MYO3B: variants seen among roughly 807,000 people sequenced by gnomAD.
The protein encoded by MYO3B is myosin IIIB.
In MYO3B, 156 loss-of-function variants were observed where a neutral mutation model predicts 174.6. The ratio of observed to expected loss-of-function variants is 0.89; its 90% CI spans 0.78 to 1.02. MYO3B has a LOEUF of 1.02. Ranked by LOEUF, MYO3B falls within the 50% of genes least tolerant of loss-of-function variation. The probability of loss-of-function intolerance (pLI) is 0.00; values close to 1 mark genes in which losing one functional copy is unlikely to be tolerated. For synonymous variants in MYO3B, 563 were observed against 569.1 expected (o/e 0.99, Z 0.15); for missense variants, 1,632 against 1,639.4 (o/e 1.00, Z 0.08).
At chr2:170,416,878 T>G in intron 22 of MYO3B, among the ~76,000 whole-genome samples, 1 of 143,810 alleles carries the variant, frequency 7.0e-6, no homozygotes, top group East Asian at 2.1e-4. Context: ...GGCTGGAGAG[T>G]GCAGTGCCGC....
At chr2:170,579,543 A>T (rs1204776836) in intron 32 of MYO3B, among the ~76,000 whole-genome samples, 1 of 152,170 alleles carries the variant, frequency 6.6e-6, no homozygotes, top group East Asian at 1.9e-4. Context: ...CCATATTTTT[A>T]TATTTTTACT....
chr2:170,540,519 G>A (rs1210774974), intron 30 of MYO3B, among the ~76,000 whole-genome samples: 1 of 152,002 alleles, frequency 6.6e-6, no homozygotes, highest in African/African-American at 2.4e-5. Flanking sequence ...GGCTCAAGCA[G>A]TTCTCCCACC....
At chr2:170,619,734 A>ATACTTTT (rs1553539463) in intron 32 of MYO3B, among the ~76,000 whole-genome samples, 2 of 33,518 alleles carry the variant, frequency 6.0e-5, no homozygotes, top group African/African-American at 8.3e-5. Context: ...CTGCTGCCAT[A>ATACTTTT]TTCTTTTTTT....
chr2:170,497,341 G>A (rs577348561), intron 25 of MYO3B, among the ~76,000 whole-genome samples: 2 of 152,314 alleles, frequency 1.3e-5, no homozygotes, highest in South Asian at 2.1e-4. Context: ...TCTAGGCCAG[G>A]GGCGGTGGCT....
At chr2:170,487,306 A>C (rs985907384) in intron 25 of MYO3B, among the ~76,000 whole-genome samples, 1 of 152,132 alleles carries the variant, frequency 6.6e-6, no homozygotes, top group Non-Finnish European at 1.5e-5. Flanking sequence ...TTTTATTCTT[A>C]TCCTTATCCA....
At chr2:170,407,662 C>A in intron 21 of MYO3B, 53 bp from the exon 22 acceptor site, 1 of 1,606,978 alleles carries the variant, frequency 6.2e-7, no homozygotes, top group Non-Finnish European at 8.5e-7. Context: ...GCCAGTGTCA[C>A]CAATGACGGA....
chr2:170,342,099 C>A (rs2093980418), intron 8 of MYO3B: 2 of 152,166 alleles, frequency 1.3e-5, no homozygotes, highest in South Asian at 2.1e-4. Flanking sequence ...CGTGGGTAAT[C>A]TAGACTGTTG....
intron 32 of MYO3B, chr2:170,602,168 G>T: frequency 8.0e-7 from 1 of 1,249,392 alleles, no homozygotes; most frequent in Non-Finnish European, 1.2e-6. Context: ...CGACAAGTTT[G>T]CACAAAAAAT....
intron 32 of MYO3B, among the ~76,000 whole-genome samples, chr2:170,623,071 C>A (rs1025922750): frequency 2.0e-5 from 3 of 152,114 alleles, no homozygotes; most frequent in Admixed American, 6.5e-5. Flanking sequence ...GATTTATATT[C>A]CTTTGGGTAT....
chr2:170,366,581 C>T (rs2094200243), intron 8 of MYO3B, among the ~76,000 whole-genome samples: 1 of 152,164 alleles, frequency 6.6e-6, no homozygotes, highest in Non-Finnish European at 1.5e-5. Context: ...GCATGAGCCA[C>T]CACGCCTGGC....
In MYO3B at chr2:170,543,996, G is replaced by T. The variant is rs751031068; in HGVS notation, c.3733+8G>T. On this transcript the variant is annotated splice_region_variant and intron_variant, in intron 32 of 34. Coordinates refer to ENST00000408978, the MANE Select transcript of MYO3B (RefSeq NM_138995.5). ...GAGCCCCTCAAAAGCCTGGTAAGAA[G>T]AACGTTTTGAATTGCATGCGGCTTC... 6.2e-7 allele frequency: 1 copy of T among 1,600,294 alleles called. No homozygotes were observed. The highest frequency in any genetic ancestry group is 8.6e-7 in the Non-Finnish European group (1 of 1,168,272).
intron 7 of MYO3B, among the ~76,000 whole-genome samples, chr2:170,259,151 T>G (rs781211816): frequency 2.6e-5 from 4 of 152,152 alleles, no homozygotes; most frequent in Non-Finnish European, 5.9e-5. Context: ...TAGCAATCTA[T>G]AGATTCAACA....
chr2:170,316,065 A>G (rs1175422503), intron 7 of MYO3B, among the ~76,000 whole-genome samples: 1 of 152,184 alleles, frequency 6.6e-6, no homozygotes, highest in East Asian at 1.9e-4. Flanking sequence ...CATGATTACT[A>G]TTGATTGTTA....
chr2:170,472,649 G>A (rs764737134), intron 25 of MYO3B, among the ~76,000 whole-genome samples: 5 of 151,346 alleles, frequency 3.3e-5, no homozygotes, highest in African/African-American at 9.7e-5. Context: ...GGAAGGCAGG[G>A]ATATTTTTCA....
intron 7 of MYO3B, among the ~76,000 whole-genome samples, chr2:170,328,227 C>T (rs13025708): frequency 0.5 from 75,974 of 151,898 alleles, 20,978 homozygotes; most frequent in East Asian, 0.66. Context: ...AATATATCTT[C>T]GTCTGTGTCA....
intron 1 of MYO3B, among the ~76,000 whole-genome samples, chr2:170,181,939 G>C (rs1463290470): frequency 6.6e-6 from 1 of 151,776 alleles, no homozygotes; most frequent in Non-Finnish European, 1.5e-5. Flanking sequence ...GGAGACAAAT[G>C]GTATCTCATT....
At chr2:170,572,153 G>T (rs1173372446) in intron 32 of MYO3B, among the ~76,000 whole-genome samples, 1 of 152,090 alleles carries the variant, frequency 6.6e-6, no homozygotes, top group Non-Finnish European at 1.5e-5. Context: ...TCTCTGGTCG[G>T]GCATGGTGGC....
intron 3 of MYO3B, 70 bp from the exon 4 acceptor site, chr2:170,214,309 T>C: frequency 7.5e-7 from 1 of 1,330,758 alleles, no homozygotes; most frequent in African/African-American, 1.5e-5. Flanking sequence ...CGGCTTTTCT[T>C]AATTTCTTTT....
chr2:170,220,400 G>A (rs1416041151), intron 6 of MYO3B, among the ~76,000 whole-genome samples: 4 of 151,954 alleles, frequency 2.6e-5, no homozygotes, highest in African/African-American at 7.3e-5. Flanking sequence ...GAAGGCGGAG[G>A]CAGGCGAATC....
Sources: allele counts gnomAD v4.1 joint callset (sites outside exome capture counted in the v4.1 genomes callset), GRCh38; gene constraint gnomAD v4.1.1; transcripts MANE v1.5; gene names NCBI Gene and HGNC (gene_info 2026-07-23, HGNC 2026-07-21).